Variants in ASB8 observed in about 807,000 individuals in gnomAD.
The protein encoded by ASB8 is ankyrin repeat and SOCS box containing 8, also known as ankyrin repeat and SOCS box protein 8.
Under a neutral mutation model 22.9 loss-of-function variants are expected in ASB8, and 15 were observed. That is an observed-to-expected ratio of 0.66 (90% CI 0.44 to 1.01). The LOEUF is 1.01. ASB8 is among the 50% of genes least tolerant of loss of function. ASB8 has a pLI of 0.00. For synonymous variants in ASB8, 124 were observed against 140.8 expected (o/e 0.88, Z 0.84); for missense variants, 294 against 356.9 (o/e 0.82, Z 1.42).
chr12:48,149,151 G>C lies in ASB8; in HGVS notation c.*215C>G, dbSNP rs779772518. 2.0e-5 allele frequency: 12 copies of C among 588,790 alleles called. No individual in the cohort carries two copies. Among genetic ancestry groups the C allele is most frequent in the Non-Finnish European group, 3.5e-5 (12 of 340,636 alleles). The allele number at this position is 588,790 out of a possible 1,614,324, so 36.5% of individuals were successfully genotyped here. A position where few individuals can be genotyped will look rare whatever the true frequency, so the allele number is the denominator to read the frequency against. On this transcript the variant is annotated 3_prime_UTR_variant, in exon 4 of 4. Transcript: ENST00000317697. ...AAATGCAATATAAAAAGCCAGGTAA[G>C]CAATAAACAGAAAACAAAAGTGAGG...
intron 2 of ASB8, among the ~76,000 whole-genome samples, chr12:48,151,964 C>T (rs1489868706): frequency 1.3e-5 from 2 of 152,116 alleles, no homozygotes; most frequent in African/African-American, 2.4e-5. Context: ...CCATCCTGGC[C>T]GACATGGTGA....
chr12:48,150,695 CA>C (rs113485834), intron 3 of ASB8, among the ~76,000 whole-genome samples: 6 of 149,868 alleles, frequency 4.0e-5, no homozygotes, highest in Admixed American at 6.6e-5. Flanking sequence ...AAGACAAAAA[CA>C]AAAAAAAACC....
chr12:48,153,153 C>T (rs1196410517), intron 2 of ASB8: 6 of 527,128 alleles, frequency 1.1e-5, no homozygotes, highest in Non-Finnish European at 2.0e-5. Context: ...AGAACATATT[C>T]CATGAAGAAA....
In ASB8 at chr12:48,153,334, G is replaced by T. The variant is rs61558457; in HGVS notation, c.129+34C>A. 3.9e-3 allele frequency: 6,331 copies of T among 1,610,228 alleles called. 205 individuals are homozygous for T. In the African/African-American group the frequency reaches 0.071, roughly 18 times the overall value. On this transcript the variant is annotated intron_variant, in intron 2 of 3. Transcript: ENST00000317697. ...ATGAGGATTTTGCCCACTTCATATC[G>T]CAAGGACTCTCCTGTCAATACCAGC...
rs1293227174 is a variant in ASB8, at chr12:48,149,922, A to G, written c.311T>C (p.Leu104Pro). The change falls in exon 4 of 4, where the codon CTA becomes CCA. Residue 104 changes from leucine (L) to proline (P), a missense_variant. Transcript: ENST00000317697. The stretch of plus-strand genomic sequence containing the variant: ...ATTGGGGTTTGCACCATACTCCAAT[A>G]GGACCTCCACACAAGCCTCATCTTT... ...AEKDEACVEV[L>P]LEYGANPNAL... is the part of the protein sequence containing the mutation. 6.2e-7 allele frequency: 1 copy of G among 1,614,122 alleles called. No individual in the cohort carries two copies. The highest frequency in any genetic ancestry group is 1.3e-5 in the African/African-American group (1 of 75,060).
rs1275403173 is a variant in ASB8, at chr12:48,149,828, C to G, written c.405G>C (p.Arg135=). ...AAFKNNAECV[R]ALLESGASVN... ...CAGAGGCCCCGCTCTCTAGGAGAGCCCGCACACACTCAGCATTGTTCTTAA... is the reference window on the plus strand; with the variant it reads ...CAGAGGCCCCGCTCTCTAGGAGAGCGCGCACACACTCAGCATTGTTCTTAA... Residue 135 remains arginine, a synonymous_variant, in exon 4 of 4, where the codon CGG becomes CGC. Coordinates refer to ENST00000317697, the MANE Select transcript of ASB8 (RefSeq NM_024095.5). 1.9e-6 allele frequency: 3 copies of G among 1,614,050 alleles called. No individual in the cohort carries two copies. The Admixed American group carries it at 5.0e-5, about 27-fold the overall frequency.
chr12:48,155,153 A>T (rs1951280064), intron 1 of ASB8, among the ~76,000 whole-genome samples: 1 of 152,242 alleles, frequency 6.6e-6, no homozygotes, highest in South Asian at 2.1e-4. Context: ...CCAATAAGGT[A>T]GAACACTTCT....
At chr12:48,152,632 T>A (rs1170280278) in intron 2 of ASB8, among the ~76,000 whole-genome samples, 3 of 152,126 alleles carry the variant, frequency 2.0e-5, no homozygotes, top group Non-Finnish European at 4.4e-5. Context: ...TAACATAGAA[T>A]GTAAGTAAAA....
At chr12:48,151,447 A>G (rs1052521264) in intron 2 of ASB8, 142 bp from the exon 3 acceptor site, 5 of 962,202 alleles carry the variant, frequency 5.2e-6, no homozygotes, top group Admixed American at 5.5e-5. Flanking sequence ...TTCCTTTTCT[A>G]TTAATATTAT....
At chr12:48,156,083 T>C (rs1240130828) in intron 1 of ASB8, among the ~76,000 whole-genome samples, 1 of 152,096 alleles carries the variant, frequency 6.6e-6, no homozygotes. Context: ...GGCCTATTTT[T>C]GCTTTTTGTG....
At chr12:48,153,333 C>A in intron 2 of ASB8, 35 bp downstream of exon 2, 3 of 1,610,566 alleles carry the variant, frequency 1.9e-6, no homozygotes, top group South Asian at 1.1e-5. Context: ...CACTTCATAT[C>A]GCAAGGACTC....
chr12:48,150,138 G>A (rs1213804821), intron 3 of ASB8, 140 bp from the exon 4 acceptor site: 1 of 877,666 alleles, frequency 1.1e-6, no homozygotes, highest in East Asian at 2.5e-5. Flanking sequence ...CTCCCAGGGA[G>A]TCCTGGTGAT....
intron 2 of ASB8, 104 bp from the exon 3 acceptor site, chr12:48,151,409 A>G (rs1321349351): frequency 9.8e-7 from 1 of 1,021,978 alleles, no homozygotes; most frequent in Non-Finnish European, 1.4e-6. Flanking sequence ...AACTCTCACT[A>G]TTTTATAGAT....
rs1565926429 is a variant in ASB8, at chr12:48,149,837, C to G, written c.396G>C (p.Glu132Asp). Residue 132 changes from glutamate to aspartate, a missense_variant, in exon 4 of 4, where the codon GAG becomes GAC. Glu to Asp is a conservative substitution (Grantham distance 45). Transcript: ENST00000317697. ...CGCTCTCTAGGAGAGCCCGCACACA[C>G]TCAGCATTGTTCTTAAAGGCTGCCC... ...LHWAAFKNNAECVRALLESGA... is the reference protein window; with the variant it reads ...LHWAAFKNNADCVRALLESGA... The G allele has an allele frequency of 6.2e-7, 1 of 1,614,228 alleles. No individual in the cohort carries two copies. The highest frequency in any genetic ancestry group is 1.1e-5 in the South Asian group (1 of 91,078).
intron 2 of ASB8, 179 bp downstream of exon 2, chr12:48,153,189 G>T: frequency 1.5e-6 from 1 of 669,434 alleles, no homozygotes. Flanking sequence ...AAGTGAAAGG[G>T]AGAAGGGAAG....
chr12:48,157,131 G>C (rs1304558219), intron 1 of ASB8: 2 of 152,356 alleles, frequency 1.3e-5, no homozygotes, highest in South Asian at 2.1e-4. Flanking sequence ...CCTGCTGCGG[G>C]AGGGCCCGCG....
intron 1 of ASB8, among the ~76,000 whole-genome samples, chr12:48,154,114 G>C (rs1362730379): frequency 2.0e-5 from 3 of 152,164 alleles, no homozygotes; most frequent in African/African-American, 7.2e-5. Flanking sequence ...GAGGAAGAAG[G>C]CTATGGAGCA....
chr12:48,155,332 C>A (rs1037786606), intron 1 of ASB8, among the ~76,000 whole-genome samples: 1 of 152,108 alleles, frequency 6.6e-6, no homozygotes, highest in African/African-American at 2.4e-5. Flanking sequence ...ATCTGTTGAA[C>A]CAATGTAAAG....
At chr12:48,151,538 C>A (rs1592849126) in intron 2 of ASB8, 1 of 1,432,218 alleles carries the variant, frequency 7.0e-7, no homozygotes, top group East Asian at 2.6e-5. Flanking sequence ...CTAAGTTTCT[C>A]CACAAGGGAG....
Sources: allele counts gnomAD v4.1 joint callset (sites outside exome capture counted in the v4.1 genomes callset), GRCh38; gene constraint gnomAD v4.1.1; transcripts MANE v1.5; gene names NCBI Gene and HGNC (gene_info 2026-07-23, HGNC 2026-07-21).